Variants in GARIN1A observed in about 807,000 individuals in gnomAD.
The protein encoded by GARIN1A is golgi associated RAB2 interactor 1A, also known as Golgi-associated RAB2 interactor protein 1A.
the GARIN1A span, among the ~76,000 whole-genome samples, chr7:128,702,982 C>A: frequency 6.6e-6 from 1 of 152,120 alleles, no homozygotes; most frequent in African/African-American, 2.4e-5. Flanking sequence ...GGGATCAATT[C>A]TCCAAAAAGA....
the GARIN1A span, among the ~76,000 whole-genome samples, chr7:128,694,621 C>T: frequency 6.6e-6 from 1 of 151,944 alleles, no homozygotes; most frequent in African/African-American, 2.4e-5. Flanking sequence ...TGTAAGTAAA[C>T]TTTGATAGGA....
chr7:128,700,845 C>T, the GARIN1A span, among the ~76,000 whole-genome samples: 400 of 152,064 alleles, frequency 2.6e-3, 4 homozygotes, highest in Non-Finnish European at 4.0e-3. Context: ...AGCACACACA[C>T]ACACGATGCA....
At chr7:128,683,191 CG>C in the GARIN1A span, 2 of 1,507,518 alleles carry the variant, frequency 1.3e-6, no homozygotes, top group Non-Finnish European at 1.8e-6. Context: ...TCCTTGCATA[CG>C]TGTACTTGCT....
chr7:128,689,197 G>A, the GARIN1A span, among the ~76,000 whole-genome samples: 1 of 152,208 alleles, frequency 6.6e-6, no homozygotes, highest in Non-Finnish European at 1.5e-5. Flanking sequence ...AAAGTGCCGA[G>A]ATTGCAGCTT....
the GARIN1A span, among the ~76,000 whole-genome samples, chr7:128,671,971 G>A: frequency 1.3e-5 from 2 of 152,166 alleles, no homozygotes; most frequent in African/African-American, 2.4e-5. Flanking sequence ...GCTTCAAGGG[G>A]AGCCAAGAGG....
chr7:128,691,356 T>C, the GARIN1A span: 1 of 152,276 alleles, frequency 6.6e-6, no homozygotes, highest in Non-Finnish European at 1.5e-5. Context: ...TCAGAGAGGA[T>C]GAGGAGAATG....
At chr7:128,676,000 GC>G in the GARIN1A span, 4 of 609,636 alleles carry the variant, frequency 6.6e-6, no homozygotes, top group Non-Finnish European at 1.1e-5. Flanking sequence ...CATTTGTTTA[GC>G]AACGATTTAT....
At chr7:128,680,995 T>C in the GARIN1A span, among the ~76,000 whole-genome samples, 1 of 152,394 alleles carries the variant, frequency 6.6e-6, no homozygotes, top group South Asian at 2.1e-4. Flanking sequence ...AGCAAGATAG[T>C]GCAACCAATA....
chr7:128,672,558 C>G, the GARIN1A span: 2 of 1,501,802 alleles, frequency 1.3e-6, no homozygotes, highest in Non-Finnish European at 1.8e-6. Flanking sequence ...CAGGTACCCT[C>G]GTGGAGCTCA....
At chr7:128,707,748 G>A in the GARIN1A span, among the ~76,000 whole-genome samples, 49 of 152,126 alleles carry the variant, frequency 3.2e-4, no homozygotes, top group Admixed American at 6.5e-4. Context: ...CACCCTGCCC[G>A]GCCAAATATT....
chr7:128,692,037 G>T, the GARIN1A span, among the ~76,000 whole-genome samples: 1 of 152,202 alleles, frequency 6.6e-6, no homozygotes. Flanking sequence ...CCAGCTTACT[G>T]CTTTTTGGTT....
chr7:128,677,927 A>G, the GARIN1A span: 2 of 915,458 alleles, frequency 2.2e-6, no homozygotes, highest in Non-Finnish European at 3.2e-6. Context: ...CTCTTTGTAA[A>G]TATCATTTTG....
At chr7:128,698,432 C>T in the GARIN1A span, among the ~76,000 whole-genome samples, 9 of 152,198 alleles carry the variant, frequency 5.9e-5, 1 homozygote, top group South Asian at 6.2e-4. Flanking sequence ...CCATCACCCA[C>T]GCCTCAGAGT....
the GARIN1A span, chr7:128,675,730 T>C: frequency 1.2e-6 from 2 of 1,613,812 alleles, no homozygotes; most frequent in Non-Finnish European, 1.7e-6. Flanking sequence ...ACCGTGATCC[T>C]CGGGGTCACC....
chr7:128,679,871 G>A, the GARIN1A span, among the ~76,000 whole-genome samples: 1 of 152,118 alleles, frequency 6.6e-6, no homozygotes, highest in Non-Finnish European at 1.5e-5. Context: ...CTCATTTCTT[G>A]TTGGATGATT....
At chr7:128,706,608 C>A in the GARIN1A span, among the ~76,000 whole-genome samples, 1 of 152,290 alleles carries the variant, frequency 6.6e-6, no homozygotes, top group South Asian at 2.1e-4. Context: ...ACAAGGACCT[C>A]CTCCCACAGT....
At chr7:128,706,251 T>C in the GARIN1A span, among the ~76,000 whole-genome samples, 1 of 152,178 alleles carries the variant, frequency 6.6e-6, no homozygotes, top group Non-Finnish European at 1.5e-5. Context: ...TCTTATCTTG[T>C]ACTTTTCCTG....
chr7:128,678,684 A>C, the GARIN1A span, among the ~76,000 whole-genome samples: 3 of 151,886 alleles, frequency 2.0e-5, no homozygotes, highest in Non-Finnish European at 4.4e-5. Flanking sequence ...GGCCCCTATA[A>C]TACTACTCAG....
chr7:128,678,915 T>G, the GARIN1A span, among the ~76,000 whole-genome samples: 6 of 151,786 alleles, frequency 4.0e-5, no homozygotes, highest in South Asian at 1.0e-3. Flanking sequence ...TGATTTTCAA[T>G]GAGTTTCAGC....
Sources: allele counts gnomAD v4.1 joint callset (sites outside exome capture counted in the v4.1 genomes callset), GRCh38; gene constraint gnomAD v4.1.1; transcripts MANE v1.5; gene names NCBI Gene and HGNC (gene_info 2026-07-23, HGNC 2026-07-21).